The following DLGAP2 variants were observed in gnomAD, a reference collection of about 807,000 sequenced individuals.
The protein encoded by DLGAP2 is DLG associated protein 2.
DLGAP2 carries 26 observed loss-of-function variants against 100.3 expected under a neutral mutation model. The ratio of observed to expected loss-of-function variants is 0.26; its 90% CI spans 0.19 to 0.36. DLGAP2 has a LOEUF of 0.36. DLGAP2 is among the 10% of genes least tolerant of loss of function. The probability of loss-of-function intolerance (pLI) is 1.00; values close to 1 mark genes in which losing one functional copy is unlikely to be tolerated. For missense variants in DLGAP2, 1,858 were observed against 1,453.2 expected, an observed-to-expected ratio of 1.28 and a Z score of -4.53; for synonymous variants, 886 against 630.1, an observed-to-expected ratio of 1.41 and a Z score of -6.08.
chr8:1,205,419 G>A (rs940730078), intron 2 of DLGAP2, among the ~76,000 whole-genome samples: 2 of 151,116 alleles, frequency 1.3e-5, no homozygotes, highest in Admixed American at 6.6e-5. Flanking sequence ...CGTCTCAGCC[G>A]GCTCTTCCTG....
chr8:1,600,586 T>C (rs1197304624), intron 6 of DLGAP2, among the ~76,000 whole-genome samples: 1 of 152,230 alleles, frequency 6.6e-6, no homozygotes. Flanking sequence ...TGTTCTTTTT[T>C]CTCCAATCTT....
intron 2 of DLGAP2, among the ~76,000 whole-genome samples, chr8:1,208,690 T>A (rs907871336): frequency 6.6e-6 from 1 of 152,002 alleles, no homozygotes. Context: ...GTCAAACTGT[T>A]GCAGTTCACT....
intron 3 of DLGAP2, among the ~76,000 whole-genome samples, chr8:1,287,596 G>C (rs1799964185): frequency 1.5e-5 from 1 of 66,982 alleles, no homozygotes; most frequent in Non-Finnish European, 2.7e-5. Flanking sequence ...CAGCGTGTGT[G>C]TGTATGTGGT....
At chr8:1,354,614 C>G (rs916923243) in intron 3 of DLGAP2, among the ~76,000 whole-genome samples, 1 of 149,362 alleles carries the variant, frequency 6.7e-6, no homozygotes, top group South Asian at 2.1e-4. Flanking sequence ...GATGATGCTG[C>G]GGATGAAGGT....
Position 810,082 on chromosome 8 carries a change from C to G in DLGAP2, c.18+72257C>G, listed in dbSNP as rs115443439. Among the ~76,000 whole-genome samples the G allele has an allele frequency of 8.7e-3, 1,329 of 152,290 alleles. 18 individuals are homozygous for G. The highest frequency in any genetic ancestry group is 0.031 in the African/African-American group (1,279 of 41,558). On this transcript the variant is annotated intron_variant, in intron 1 of 14. Transcript: ENST00000637795. ...CTGGGGGTGTGAGCTTGCTCTGTGT[C>G]CATCCCTTTCTAACTACTGTTCATG... is the stretch of plus-strand genomic sequence containing the variant.
At chr8:1,504,010 G>A (rs889401794) in intron 4 of DLGAP2, among the ~76,000 whole-genome samples, 7 of 152,200 alleles carry the variant, frequency 4.6e-5, no homozygotes, top group South Asian at 2.1e-4. Flanking sequence ...AGTGCACCTC[G>A]TGAGGAAGGT....
intron 6 of DLGAP2, among the ~76,000 whole-genome samples, chr8:1,591,680 C>G (rs1367623380): frequency 1.3e-5 from 2 of 152,114 alleles, no homozygotes; most frequent in African/African-American, 4.8e-5. Context: ...ATTGCTCTAC[C>G]CAAAGGCATG....
rs1272660233 is a variant in DLGAP2, at chr8:771,646, T to C, written c.18+33821T>C. Among the ~76,000 whole-genome samples, 8 of 152,360 alleles carry C rather than the reference T, an allele frequency of 5.3e-5. No homozygotes were observed. The East Asian group carries it at 1.2e-3, about 22-fold the overall frequency. Reference sequence around the variant, plus strand: ...TAATGGTCACGAGAGTGGCAACCCCTACCTTGCTACCCAGAGACGCATTGA... The same window carrying C: ...TAATGGTCACGAGAGTGGCAACCCCCACCTTGCTACCCAGAGACGCATTGA... On this transcript the variant is annotated intron_variant, in intron 1 of 14. Transcript: ENST00000637795.
At position 1,330,807 on chromosome 8, in the gene DLGAP2, G is replaced by A. The variant is rs577507753; in HGVS notation, c.106+71924G>A. Among the ~76,000 whole-genome samples, 128 of 136,358 alleles carry A rather than the reference G, an allele frequency of 9.4e-4. 6 individuals carry two copies. The highest frequency in any genetic ancestry group is 3.0e-3 in the African/African-American group (101 of 33,872). 89.5% of individuals were successfully genotyped at this position (136,358 alleles called of 152,430 possible). A position where few individuals can be genotyped will look rare whatever the true frequency, so the allele number is the denominator to read the frequency against. ...GTGGGAGCACTGCTTCACGGGGACC[G>A]AGTTCTGGGTGGGACTGAGTTCTGG... On this transcript the variant is annotated intron_variant, in intron 3 of 14. Coordinates refer to ENST00000637795, the MANE Select transcript of DLGAP2 (RefSeq NM_001346810.2).
At chr8:1,083,411 A>G (rs1171752805) in intron 2 of DLGAP2, among the ~76,000 whole-genome samples, 1 of 152,172 alleles carries the variant, frequency 6.6e-6, no homozygotes, top group East Asian at 1.9e-4. Context: ...TGATTTTAGG[A>G]AGTAACCAGA....
At chr8:1,073,459 A>G (rs1803496774) in intron 2 of DLGAP2, among the ~76,000 whole-genome samples, 1 of 152,206 alleles carries the variant, frequency 6.6e-6, no homozygotes, top group African/African-American at 2.4e-5. Context: ...AGACATGGAT[A>G]TGTAACTCAG....
At chr8:863,608 G>A (rs763762091) in intron 1 of DLGAP2, among the ~76,000 whole-genome samples, 14 of 152,144 alleles carry the variant, frequency 9.2e-5, no homozygotes, top group Non-Finnish European at 1.3e-4. Flanking sequence ...CTGTGCAGAA[G>A]CTCCAGTTTG....
At chr8:1,598,964 G>A (rs552344484) in intron 6 of DLGAP2, among the ~76,000 whole-genome samples, 1 of 152,240 alleles carries the variant, frequency 6.6e-6, no homozygotes, top group Admixed American at 6.5e-5. Flanking sequence ...ATTTTAGGGT[G>A]TTGATTTTAG....
chr8:883,829 C>G (rs1315827808), intron 1 of DLGAP2, among the ~76,000 whole-genome samples: 1 of 152,162 alleles, frequency 6.6e-6, no homozygotes, highest in Non-Finnish European at 1.5e-5. Context: ...TGTGTTGTTC[C>G]CCTCTCTGTG....
At chr8:1,443,306 G>T (rs549139111) in intron 3 of DLGAP2, among the ~76,000 whole-genome samples, 2 of 151,248 alleles carry the variant, frequency 1.3e-5, no homozygotes, top group Non-Finnish European at 2.9e-5. Flanking sequence ...AGAGATAATC[G>T]CGGGTAACAT....
intron 3 of DLGAP2, among the ~76,000 whole-genome samples, chr8:1,344,125 G>A (rs1361856682): frequency 2.0e-5 from 3 of 149,732 alleles, no homozygotes; most frequent in Non-Finnish European, 4.4e-5. Flanking sequence ...TCGGGGCCCT[G>A]TCGTGGGTCC....
intron 4 of DLGAP2, among the ~76,000 whole-genome samples, chr8:1,544,328 T>G (rs930160853): frequency 1.3e-5 from 2 of 152,218 alleles, no homozygotes; most frequent in African/African-American, 4.8e-5. Context: ...TACAATTGAT[T>G]TTTTATTTTG....
intron 2 of DLGAP2, among the ~76,000 whole-genome samples, chr8:918,076 G>A (rs1283314649): frequency 6.6e-6 from 1 of 152,174 alleles, no homozygotes; most frequent in Non-Finnish European, 1.5e-5. Flanking sequence ...CAATTTGGGA[G>A]CTACGGGTGT....
intron 3 of DLGAP2, among the ~76,000 whole-genome samples, chr8:1,422,226 A>AT (rs1193078988): frequency 1.3e-5 from 2 of 152,128 alleles, no homozygotes; most frequent in African/African-American, 2.4e-5. Context: ...CCTGAAGGGT[A>AT]TTTTTTTAGG....
Sources: allele counts gnomAD v4.1 joint callset (sites outside exome capture counted in the v4.1 genomes callset), GRCh38; gene constraint gnomAD v4.1.1; transcripts MANE v1.5; gene names NCBI Gene and HGNC (gene_info 2026-07-23, HGNC 2026-07-21).